The following KIF26B variants were observed in gnomAD, a reference collection of about 807,000 sequenced individuals.
KIF26B encodes the protein kinesin family member 26B, also known as kinesin-like protein KIF26B.
In KIF26B, 63 loss-of-function variants were observed where a neutral mutation model predicts 151.2. The observed-to-expected ratio is 0.42, with a 90% CI of 0.34 to 0.51. The LOEUF is 0.51. Among genes scored for constraint, KIF26B ranks in the 20% least tolerant of loss-of-function variants. The probability of loss-of-function intolerance (pLI) is 0.07; values close to 1 mark genes in which losing one functional copy is unlikely to be tolerated. For synonymous variants in KIF26B, 1,357 were observed against 1,262.1 expected, an observed-to-expected ratio of 1.08 and a Z score of -1.59; for missense variants, 2,813 against 2,913.6, an observed-to-expected ratio of 0.97 and a Z score of 0.79.
chr1:245,687,548 C>T lies in KIF26B; in HGVS notation c.4565C>T (p.Thr1522Ile). The change falls in exon 12 of 15, where the codon ACC becomes ATC. Residue 1522 changes from threonine to isoleucine, a missense_variant. Thr to Ile is a moderately conservative substitution (Grantham distance 89, BLOSUM62 -1). This residue lies in a region of KIF26B where 2,060 missense variants were observed against 2,088.6 expected (regional missense o/e 0.99). Transcript: ENST00000407071. This position sits in a 1 kb window ranked among gnomAD's most constrained non-coding sequence, Gnocchi z 4.9. ...GAGATGGCCCTGCCCGGTTTGGCCA[C>T]CCAGAGCCCCGTGCATCCCAACAAA... ...GCEMALPGLA[T>I]QSPVHPNKSV... 1.9e-6 allele frequency: 3 copies of T among 1,567,050 alleles called. No individual in the cohort carries two copies. Among genetic ancestry groups the T allele is most frequent in the Non-Finnish European group, 2.6e-6 (3 of 1,156,396 alleles).
intron 4 of KIF26B, among the ~76,000 whole-genome samples, chr1:245,529,858 C>T (rs1398208949): frequency 1.3e-5 from 2 of 151,994 alleles, no homozygotes; most frequent in East Asian, 3.9e-4. Flanking sequence ...CCGCACAGCA[C>T]AGGAAACAAT....
chr1:245,520,114 TGAGA>T lies in KIF26B; in HGVS notation c.1167-20623_1167-20620del, dbSNP rs10650644. 8.4e-3 allele frequency among the ~76,000 whole-genome samples: 1,111 copies of T among 132,490 alleles called. 7 individuals carry two copies. Among genetic ancestry groups the T allele is most frequent in the African/African-American group, 0.022 (759 of 34,480 alleles). 86.9% of individuals were successfully genotyped at this position (132,490 alleles called of 152,430 possible). Reference sequence around the variant, plus strand: ...AACTAAAATTAAATACTCAACTAACTGAGAGAGAGAGAGAGAGAGAGAGAGAGAG... The same window carrying T: ...AACTAAAATTAAATACTCAACTAACTGAGAGAGAGAGAGAGAGAGAGAGAG... On this transcript the variant is annotated intron_variant, in intron 4 of 14. Coordinates refer to ENST00000407071, the MANE Select transcript of KIF26B (RefSeq NM_018012.4).
rs1558271192 is a variant in KIF26B, at chr1:245,686,672, G to A, written c.3689G>A (p.Ser1230Asn). The A allele has an allele frequency of 5.0e-6, 8 of 1,612,218 alleles. No individual in the cohort carries two copies. Among genetic ancestry groups the A allele is most frequent in the Admixed American group, 3.3e-5 (2 of 59,856 alleles). The change falls in exon 12 of 15, where the codon AGC becomes AAC. Residue 1230 changes from serine to asparagine, a missense_variant. By Grantham distance (46) the Ser-to-Asn change is conservative. This residue lies in a region of KIF26B where 2,060 missense variants were observed against 2,088.6 expected (regional missense o/e 0.99). Transcript: ENST00000407071. This position sits in a 1 kb window ranked among gnomAD's most constrained non-coding sequence, Gnocchi z 5.6. ...CTGGCCTCGGGCTCGCGGCCCGTCA[G>A]CATCATCAGCAGCATCAGCGAGGAC... is the stretch of plus-strand genomic sequence containing the variant. ...RALASGSRPV[S>N]IISSISEDLE...
intron 2 of KIF26B, among the ~76,000 whole-genome samples, chr1:245,280,376 A>AG (rs1210369551): frequency 9.3e-5 from 14 of 150,498 alleles, no homozygotes; most frequent in Non-Finnish European, 1.9e-4. Flanking sequence ...AAAAAAAAAA[A>AG]AAAAATTAGC....
At chr1:245,669,522 T>C (rs1231827304) in intron 10 of KIF26B, among the ~76,000 whole-genome samples, 1 of 152,150 alleles carries the variant, frequency 6.6e-6, no homozygotes, top group Admixed American at 6.5e-5. Flanking sequence ...CAGAGGAATC[T>C]TATGGACATT....
At chr1:245,190,634 G>GTTTTTTTTTTTTTTTTTTTTTTTTT (rs149338802) in intron 2 of KIF26B, among the ~76,000 whole-genome samples, 1 of 106,856 alleles carries the variant, frequency 9.4e-6, no homozygotes, top group Non-Finnish European at 2.2e-5. Flanking sequence ...TGAATGTTTT[G>GTTTTTTTTTTTTTTTTTTTTTTTTT]TTTTGTTTTT....
At position 245,516,875 on chromosome 1, in the gene KIF26B, ATTGGCGGAG is replaced by A. The variant is rs1660980376; in HGVS notation, c.1167-23889_1167-23881del. ...GGATACTGGGGACTAAAAGCTGGTGATTGGCGGAGTTTGGGGGTGGGGAGGGGGCGCTGG... is the reference window on the plus strand; with the variant it reads ...GGATACTGGGGACTAAAAGCTGGTGATTTGGGGGTGGGGAGGGGGCGCTGG... On this transcript the variant is annotated intron_variant, in intron 4 of 14. Coordinates refer to ENST00000407071, the MANE Select transcript of KIF26B (RefSeq NM_018012.4). This position sits in a 1 kb window ranked among gnomAD's most constrained non-coding sequence, Gnocchi z 4.2. Among the ~76,000 whole-genome samples, 1 of 138,966 alleles carries A rather than the reference ATTGGCGGAG, an allele frequency of 7.2e-6. No individual in the cohort carries two copies. Among genetic ancestry groups the A allele is most frequent in the Admixed American group, 7.1e-5 (1 of 14,114 alleles). The allele number at this position is 138,966 out of a possible 152,430, so 91.2% of individuals were successfully genotyped here. A position where few individuals can be genotyped will look rare whatever the true frequency, so the allele number is the denominator to read the frequency against.
chr1:245,392,128 T>C (rs1673716322), intron 3 of KIF26B, among the ~76,000 whole-genome samples: 1 of 151,328 alleles, frequency 6.6e-6, no homozygotes, highest in Non-Finnish European at 1.5e-5. Flanking sequence ...TCCGTAATGT[T>C]TAAGATTATG....
At chr1:245,542,676 G>A (rs1354402167) in intron 5 of KIF26B, among the ~76,000 whole-genome samples, 1 of 152,266 alleles carries the variant, frequency 6.6e-6, no homozygotes, top group Non-Finnish European at 1.5e-5. Flanking sequence ...TTGATTCGCT[G>A]CCTTCTAAGG....
In KIF26B at chr1:245,240,237, C is replaced by T. The variant is rs114566074; in HGVS notation, c.465+83554C>T. Among the ~76,000 whole-genome samples the T allele has an allele frequency of 9.9e-3, 1,513 of 152,284 alleles. 25 individuals carry two copies. The highest frequency in any genetic ancestry group is 0.034 in the African/African-American group (1,407 of 41,542). On this transcript the variant is annotated intron_variant, in intron 2 of 14. Transcript: ENST00000407071. ...CCCTAGGGGTTATTCTGGTGCCTAA[C>T]GACTTCCTGAGTCCACTTTCGCCGC...
chr1:245,537,044 G>A (rs1241473965), intron 4 of KIF26B, among the ~76,000 whole-genome samples: 1 of 152,220 alleles, frequency 6.6e-6, no homozygotes, highest in Admixed American at 6.5e-5. Flanking sequence ...GAGAGTATCA[G>A]TGTCAGGTTG....
At chr1:245,217,182 T>C (rs1268091667) in intron 2 of KIF26B, among the ~76,000 whole-genome samples, 2 of 152,132 alleles carry the variant, frequency 1.3e-5, no homozygotes, top group African/African-American at 4.8e-5. Flanking sequence ...GAGAAAAGGG[T>C]GTCAATGGTT....
chr1:245,564,712 C>T lies in KIF26B; in HGVS notation c.1350+23762C>T, dbSNP rs1485477335. 6.6e-6 allele frequency among the ~76,000 whole-genome samples: 1 copy of T among 152,194 alleles called. No homozygotes were observed. The highest frequency in any genetic ancestry group is 1.9e-4 in the East Asian group (1 of 5,190). The stretch of plus-strand genomic sequence containing the variant: ...AAAGCAGCAGCCCCCAGCCTGTAGG[C>T]ACCAGGGACTGGTTTCACGGAAGAC... On this transcript the variant is annotated intron_variant, in intron 5 of 14. Transcript: ENST00000407071. The surrounding 1 kb of genome is among the most constrained non-coding windows in gnomAD (Gnocchi z 4.6).
At chr1:245,348,572 C>T (rs1265643116) in intron 2 of KIF26B, among the ~76,000 whole-genome samples, 1 of 152,290 alleles carries the variant, frequency 6.6e-6, no homozygotes, top group East Asian at 1.9e-4. Flanking sequence ...CTCTCTGGGT[C>T]CCCTTTCTAA....
chr1:245,607,392 C>G (rs1158987245), intron 6 of KIF26B, among the ~76,000 whole-genome samples: 1 of 152,214 alleles, frequency 6.6e-6, no homozygotes, highest in African/African-American at 2.4e-5. Context: ...GCCTGCTCTA[C>G]AGACGCATTC....
rs905909730 is a variant in KIF26B at position 245,166,989 on chromosome 1, C to T, written c.465+10306C>T. ...TTATTAATTTTTTAAATATGCAGAA[C>T]GATAAATATGTCTTAAGTGTTATAG... On this transcript the variant is annotated intron_variant, in intron 2 of 14. Coordinates refer to ENST00000407071, the MANE Select transcript of KIF26B (RefSeq NM_018012.4). The surrounding 1 kb of genome is among the most constrained non-coding windows in gnomAD (Gnocchi z 4.5). Among the ~76,000 whole-genome samples, 1 of 152,134 alleles carries T rather than the reference C, an allele frequency of 6.6e-6. No homozygotes were observed. The highest frequency in any genetic ancestry group is 2.1e-4 in the South Asian group (1 of 4,826).
intron 2 of KIF26B, among the ~76,000 whole-genome samples, chr1:245,176,764 G>C (rs72779219): frequency 0.011 from 1,669 of 152,296 alleles, 10 homozygotes; most frequent in Non-Finnish European, 0.017. Flanking sequence ...TTGACTTTCA[G>C]ATTAGTCTTC....
chr1:245,658,295 A>C (rs1453766589), intron 10 of KIF26B, among the ~76,000 whole-genome samples: 1 of 151,368 alleles, frequency 6.6e-6, no homozygotes, highest in Non-Finnish European at 1.5e-5. Context: ...ATTTCTAACA[A>C]GTTTTTAAAA....
In KIF26B at chr1:245,495,789, AAC is replaced by A. The variant is rs1660501651; in HGVS notation, c.1167-44976_1167-44975del. 6.6e-6 allele frequency among the ~76,000 whole-genome samples: 1 copy of A among 152,220 alleles called. No individual in the cohort carries two copies. Among genetic ancestry groups the A allele is most frequent in the African/African-American group, 2.4e-5 (1 of 41,460 alleles). ...GGTACAATGTAGTAAAACTGTTGAA[AAC>A]AAAAGCCAAGGAGAAAAATGATTAA... On this transcript the variant is annotated intron_variant, in intron 4 of 14. Coordinates refer to ENST00000407071, the MANE Select transcript of KIF26B (RefSeq NM_018012.4). This position sits in a 1 kb window ranked among gnomAD's most constrained non-coding sequence, Gnocchi z 4.2.
Sources: gnomAD v4.1 joint callset for allele counts (sites outside exome capture counted in the v4.1 genomes callset) on GRCh38, gnomAD v4.1.1 for gene constraint, gnomAD v4.1.1 regional missense constraint, Gnocchi (gnomAD v3.1) non-coding constraint, MANE v1.5 for transcripts, NCBI Gene and HGNC (gene_info 2026-07-23, HGNC 2026-07-21) for gene names.